The following MGAT4C variants were observed in gnomAD, a reference collection of about 807,000 sequenced individuals.
MGAT4C encodes the protein alpha-1,3-mannosyl-glycoprotein 4-beta-N-acetylglucosaminyltransferase C.
Under a neutral mutation model 40.1 loss-of-function variants are expected in MGAT4C, and 19 were observed. The ratio of observed to expected loss-of-function variants is 0.47; its 90% confidence interval spans 0.33 to 0.70. MGAT4C has a LOEUF of 0.70. MGAT4C is among the 30% of genes least tolerant of loss of function. MGAT4C has a pLI of 0.02. For missense variants in MGAT4C, 491 were observed against 563.2 expected (o/e 0.87, Z 1.30); for synonymous variants, 181 against 187.1 (o/e 0.97, Z 0.27).
upstream of MGAT4C, among the ~76,000 whole-genome samples, chr12:86,259,363 A>G (rs962969048): frequency 4.6e-5 from 7 of 152,090 alleles, no homozygotes; most frequent in African/African-American, 1.7e-4. Flanking sequence ...GTGAACATTG[A>G]TAATAAGACA....
At chr12:86,064,162 T>C (rs1016640797) in intron 1 of MGAT4C, among the ~76,000 whole-genome samples, 2 of 152,180 alleles carry the variant, frequency 1.3e-5, no homozygotes, top group Non-Finnish European at 2.9e-5. Flanking sequence ...AAAACACTCC[T>C]CAGCAAATGC....
intron 2 of MGAT4C, among the ~76,000 whole-genome samples, chr12:86,479,263 G>T (rs1957893291): frequency 6.6e-6 from 1 of 152,002 alleles, no homozygotes; most frequent in South Asian, 2.1e-4. Flanking sequence ...ATATAAAAAT[G>T]AATATATAAA....
intron 2 of MGAT4C, among the ~76,000 whole-genome samples, chr12:86,478,422 T>C (rs1489757734): frequency 6.6e-6 from 1 of 152,150 alleles, no homozygotes; most frequent in Non-Finnish European, 1.5e-5. Context: ...GGTAACATAG[T>C]GAACTGCCAG....
Position 86,238,259 on chromosome 12 carries a change from C to T in MGAT4C, c.-57+17980G>A, listed in dbSNP as rs566009862. On this transcript the variant is annotated intron_variant, in intron 1 of 4. Coordinates refer to ENST00000611864, the MANE Select transcript of MGAT4C (RefSeq NM_001351288.2). ...GTCAAGTAATACAAAAGACTGAACA[C>T]GTGGAAGATGCTTTGAGCTCTTTGC... 4.6e-4 allele frequency among the ~76,000 whole-genome samples: 70 copies of T among 152,002 alleles called. 1 individual carries two copies. The highest frequency in any genetic ancestry group is 6.6e-4 in the Admixed American group (10 of 15,242).
intron 1 of MGAT4C, among the ~76,000 whole-genome samples, chr12:86,836,093 T>C (rs1030957262): frequency 1.3e-5 from 2 of 152,050 alleles, no homozygotes; most frequent in African/African-American, 4.8e-5. Context: ...CAGAGGTGTA[T>C]AGAGATCAAT....
At chr12:86,433,828 G>A (rs1021522437) in intron 3 of MGAT4C, among the ~76,000 whole-genome samples, 1 of 151,912 alleles carries the variant, frequency 6.6e-6, no homozygotes. Flanking sequence ...TCCTGACTCT[G>A]CTATTTGTCC....
intron 2 of MGAT4C, among the ~76,000 whole-genome samples, chr12:86,531,344 C>G (rs1358493008): frequency 6.6e-6 from 1 of 151,964 alleles, no homozygotes; most frequent in Non-Finnish European, 1.5e-5. Context: ...TCACGGGGTA[C>G]AGAATGGCTT....
chr12:86,136,698 CTTT>C (rs1304259314), intron 1 of MGAT4C, among the ~76,000 whole-genome samples: 1 of 151,580 alleles, frequency 6.6e-6, no homozygotes, highest in Non-Finnish European at 1.5e-5. Context: ...TTTGTTTTTT[CTTT>C]TTTTGAGATG....
Position 85,989,478 on chromosome 12 carries a change from A to G in MGAT4C, c.69T>C (p.Arg23=), listed in dbSNP as rs1885631882. ...ILDKMRCLRK[R]STVSFLGVLV... ...GAACTCCCAAGAATGACACTGTAGA[A>G]CGTTTTCTCAGGCATCTCATTTTAT... Residue 23 remains arginine (R), a synonymous_variant, in exon 3 of 5, where the codon CGT becomes CGC. Coordinates refer to ENST00000611864, the MANE Select transcript of MGAT4C (RefSeq NM_001351288.2). 2 of 1,607,374 alleles carry G rather than the reference A, an allele frequency of 1.2e-6. No homozygotes were observed. The highest frequency in any genetic ancestry group is 2.7e-5 in the African/African-American group (2 of 74,912).
intron 2 of MGAT4C, among the ~76,000 whole-genome samples, chr12:86,485,658 G>A (rs1958007821): frequency 6.6e-6 from 1 of 152,038 alleles, no homozygotes. Flanking sequence ...TATATTGGAG[G>A]ATACAATCCA....
At chr12:86,706,050 T>C (rs1190373516) in intron 2 of MGAT4C, among the ~76,000 whole-genome samples, 2 of 152,128 alleles carry the variant, frequency 1.3e-5, no homozygotes, top group South Asian at 2.1e-4. Flanking sequence ...GGTCCATAAG[T>C]AGGCCTTACT....
At chr12:86,563,822 G>T (rs539619350) in intron 2 of MGAT4C, among the ~76,000 whole-genome samples, 1 of 152,290 alleles carries the variant, frequency 6.6e-6, no homozygotes, top group South Asian at 2.1e-4. Flanking sequence ...TTTAGCTGAG[G>T]TCTGACTTAC....
At chr12:85,991,410 C>A (rs761218397) in intron 2 of MGAT4C, among the ~76,000 whole-genome samples, 1 of 152,158 alleles carries the variant, frequency 6.6e-6, no homozygotes, top group African/African-American at 2.4e-5. Context: ...GGCAGCCTGG[C>A]CCCCAGGCTT....
intron 2 of MGAT4C, among the ~76,000 whole-genome samples, chr12:86,628,504 G>A (rs926874402): frequency 6.6e-6 from 1 of 152,060 alleles, no homozygotes; most frequent in Non-Finnish European, 1.5e-5. Context: ...GAGAAAGGTC[G>A]GGTTACACAC....
chr12:86,204,942 T>C (rs958630128), intron 1 of MGAT4C, among the ~76,000 whole-genome samples: 1 of 152,018 alleles, frequency 6.6e-6, no homozygotes, highest in African/African-American at 2.4e-5. Context: ...GTTGTTACAT[T>C]TGTAAAGTAA....
chr12:86,769,325 C>T (rs1951584190), intron 1 of MGAT4C, among the ~76,000 whole-genome samples: 1 of 151,340 alleles, frequency 6.6e-6, no homozygotes, highest in Non-Finnish European at 1.5e-5. Flanking sequence ...GAGATACCAT[C>T]TCACACCAGT....
intron 2 of MGAT4C, among the ~76,000 whole-genome samples, chr12:86,662,128 C>T (rs1466135130): frequency 6.6e-6 from 1 of 152,068 alleles, no homozygotes; most frequent in African/African-American, 2.4e-5. Context: ...ACCCCTACTC[C>T]CAGTGACCTA....
In MGAT4C at chr12:85,963,005, C is replaced by T. The variant is rs1883191510; in HGVS notation, c.*16284G>A. 6.6e-6 allele frequency: 1 copy of T among 151,642 alleles called. No homozygotes were observed. Among genetic ancestry groups the T allele is most frequent in the Admixed American group, 6.6e-5 (1 of 15,204 alleles). The allele number at this position is 151,642 out of a possible 1,614,324, so 9.4% of individuals were successfully genotyped here. ...TTCAAACACTGATCTTTTTAAGTGG[C>T]AAATTGTCCAAAAGAATTTAATTAA... On this transcript the variant is annotated 3_prime_UTR_variant, in exon 5 of 5. Transcript: ENST00000611864.
intron 1 of MGAT4C, among the ~76,000 whole-genome samples, chr12:86,107,202 T>TTTA (rs1876356155): frequency 6.6e-6 from 1 of 152,142 alleles, no homozygotes; most frequent in Admixed American, 6.5e-5. Flanking sequence ...AAATTAGAAG[T>TTTA]TTTAATTGTA....
Sources: gnomAD v4.1 joint callset for allele counts (sites outside exome capture counted in the v4.1 genomes callset) on GRCh38, gnomAD v4.1.1 for gene constraint, MANE v1.5 for transcripts, NCBI Gene and HGNC (gene_info 2026-07-23, HGNC 2026-07-21) for gene names.